The following MBOAT2 variants were observed in gnomAD, a reference collection of about 807,000 sequenced individuals.
The protein encoded by MBOAT2 is membrane bound glycerophospholipid O-acyltransferase 2.
A neutral mutation model predicts 63.4 loss-of-function variants in MBOAT2; 28 were observed. The observed-to-expected ratio is 0.44, with a 90% CI of 0.33 to 0.61. The LOEUF (loss-of-function observed/expected upper bound fraction) is 0.61. Ranked by LOEUF, MBOAT2 falls within the 20% of genes least tolerant of loss-of-function variation. MBOAT2 has a pLI of 0.03. For missense variants in MBOAT2, 470 were observed against 605.8 expected (o/e 0.78, Z 2.35); for synonymous variants, 211 against 215.6 (o/e 0.98, Z 0.19).
intron 4 of MBOAT2, among the ~76,000 whole-genome samples, chr2:8,894,795 C>T (rs930306132): frequency 1.3e-5 from 2 of 152,158 alleles, no homozygotes; most frequent in Non-Finnish European, 2.9e-5. Context: ...CTGGTGGGTT[C>T]GTGGTCTTGC....
chr2:8,890,255 A>G (rs1303376511), intron 4 of MBOAT2, among the ~76,000 whole-genome samples: 1 of 152,192 alleles, frequency 6.6e-6, no homozygotes, highest in Non-Finnish European at 1.5e-5. Context: ...CCCACTGGAC[A>G]ACTCTATCTC....
chr2:8,941,012 T>C (rs1044420698), intron 3 of MBOAT2, among the ~76,000 whole-genome samples: 2 of 152,102 alleles, frequency 1.3e-5, no homozygotes, highest in African/African-American at 4.8e-5. Flanking sequence ...TCCCATCTAG[T>C]GTATTTGGTC....
intron 2 of MBOAT2, among the ~76,000 whole-genome samples, chr2:8,951,330 G>A (rs773286937): frequency 2.0e-4 from 30 of 151,604 alleles, no homozygotes; most frequent in Non-Finnish European, 2.2e-4. Flanking sequence ...TCAGCCTCCC[G>A]AGTAGCTGGG....
chr2:8,911,820 A>G (rs1446275007), intron 3 of MBOAT2, among the ~76,000 whole-genome samples: 1 of 152,120 alleles, frequency 6.6e-6, no homozygotes, highest in East Asian at 1.9e-4. Flanking sequence ...CAGAACCCCA[A>G]GCCAAATAAA....
At position 9,003,569 on chromosome 2, in the gene MBOAT2, T is replaced by C. The variant is rs1672871726; in HGVS notation, c.46A>G (p.Ser16Gly). The C allele has an allele frequency of 8.1e-7, 1 of 1,231,902 alleles. No individual in the cohort carries two copies. The highest frequency in any genetic ancestry group is 1.0e-6 in the Non-Finnish European group (1 of 981,226). The allele number at this position is 1,231,902 out of a possible 1,614,324, so 76.3% of individuals were successfully genotyped here. The part of the protein sequence containing the change: ...TTGSTLLQPL[S>G]NAVQLPIDQV... The stretch of plus-strand genomic sequence containing the variant: ...TCGATGGGCAGCTGCACGGCGTTGC[T>C]GAGGGGCTGCAGCAGGGTGGAGCCC... Residue 16 changes from serine (S) to glycine (G), a missense_variant, in exon 1 of 13, where the codon AGC (serine) becomes GGC (glycine). By Grantham distance (56) the Ser-to-Gly change is moderately conservative. Transcript: ENST00000305997. The surrounding 1 kb of genome is among the most constrained non-coding windows in gnomAD (Gnocchi z 5.4).
At chr2:8,867,928 C>T (rs1370190974) in intron 9 of MBOAT2, among the ~76,000 whole-genome samples, 2 of 152,172 alleles carry the variant, frequency 1.3e-5, no homozygotes, top group Non-Finnish European at 2.9e-5. Flanking sequence ...GATCAAAACT[C>T]TTAATATGGC....
chr2:8,971,753 AAC>A (rs1378389888), intron 1 of MBOAT2, among the ~76,000 whole-genome samples: 8 of 152,150 alleles, frequency 5.3e-5, no homozygotes, highest in African/African-American at 1.9e-4. Context: ...ATCATGAGTG[AAC>A]TCCCATTCAC....
At chr2:8,950,084 C>T (rs6722780) in intron 2 of MBOAT2, among the ~76,000 whole-genome samples, 16,145 of 152,064 alleles carry the variant, frequency 0.11, 1,023 homozygotes, top group African/African-American at 0.18. Flanking sequence ...GTGGCTATTG[C>T]AAATGAGATT....
intron 4 of MBOAT2, among the ~76,000 whole-genome samples, chr2:8,905,872 T>C (rs1465037181): frequency 1.3e-5 from 2 of 152,248 alleles, no homozygotes; most frequent in Non-Finnish European, 2.9e-5. Flanking sequence ...AAACAGGTTT[T>C]CTATCTTTAA....
At chr2:8,911,442 CTT>C (rs1665700228) in intron 3 of MBOAT2, among the ~76,000 whole-genome samples, 1 of 152,174 alleles carries the variant, frequency 6.6e-6, no homozygotes, top group African/African-American at 2.4e-5. Flanking sequence ...ATGTCTAACT[CTT>C]TACATCAAGA....
chr2:8,949,019 ATAAT>A (rs1194732849), intron 2 of MBOAT2, among the ~76,000 whole-genome samples: 3 of 152,160 alleles, frequency 2.0e-5, no homozygotes, highest in Non-Finnish European at 4.4e-5. Flanking sequence ...TGACTTTTTA[ATAAT>A]AACCATTCTG....
intron 3 of MBOAT2, among the ~76,000 whole-genome samples, chr2:8,940,425 G>A (rs1448553642): frequency 6.6e-6 from 1 of 152,110 alleles, no homozygotes; most frequent in South Asian, 2.1e-4. Flanking sequence ...CCGAGTAGCT[G>A]GGATTACAGG....
At chr2:8,891,231 A>T (rs1230068058) in intron 4 of MBOAT2, among the ~76,000 whole-genome samples, 1 of 152,252 alleles carries the variant, frequency 6.6e-6, no homozygotes. Flanking sequence ...AGAAAGACAG[A>T]AGACAAAATT....
At chr2:8,949,423 A>G (rs1380855097) in intron 2 of MBOAT2, among the ~76,000 whole-genome samples, 1 of 150,986 alleles carries the variant, frequency 6.6e-6, no homozygotes, top group Non-Finnish European at 1.5e-5. Context: ...CAATGCCCAG[A>G]TAAAATGATG....
chr2:8,991,051 A>T (rs73157455), intron 1 of MBOAT2, among the ~76,000 whole-genome samples: 165 of 152,324 alleles, frequency 1.1e-3, no homozygotes, highest in African/African-American at 3.8e-3. Flanking sequence ...GGATATAGGT[A>T]ATAAGAACAG....
intron 4 of MBOAT2, among the ~76,000 whole-genome samples, chr2:8,889,678 G>A (rs545683914): frequency 6.6e-6 from 1 of 152,312 alleles, no homozygotes; most frequent in Admixed American, 6.5e-5. Flanking sequence ...GCTCACTGGT[G>A]AGTTATAAAA....
intron 1 of MBOAT2, among the ~76,000 whole-genome samples, chr2:8,988,444 G>T (rs1671708593): frequency 6.6e-6 from 1 of 152,032 alleles, no homozygotes; most frequent in Non-Finnish European, 1.5e-5. Context: ...TATTACTATT[G>T]TATCAGTTTA....
At chr2:9,000,007 TTTCTGCTACCTTGCCCTGCAAGGTGCA>T (rs1672576030) in intron 1 of MBOAT2, among the ~76,000 whole-genome samples, 1 of 152,224 alleles carries the variant, frequency 6.6e-6, no homozygotes. Context: ...CACTTCCTCC[TTTCTGCTACCTTGCCCTGCAAGGTGCA>T]TTCTTACATT....
intron 1 of MBOAT2, among the ~76,000 whole-genome samples, chr2:8,987,334 A>C (rs1003866000): frequency 6.6e-6 from 1 of 152,288 alleles, no homozygotes; most frequent in Admixed American, 6.5e-5. Flanking sequence ...ACTCTGGCCT[A>C]CTATGTTCAC....
Sources: gnomAD v4.1 joint callset for allele counts (sites outside exome capture counted in the v4.1 genomes callset) on GRCh38, gnomAD v4.1.1 for gene constraint, Gnocchi (gnomAD v3.1) non-coding constraint, MANE v1.5 for transcripts, NCBI Gene and HGNC (gene_info 2026-07-23, HGNC 2026-07-21) for gene names.